GSE1: variants seen among roughly 807,000 people sequenced by gnomAD.
The protein encoded by GSE1 is Gse1 coiled-coil protein.
GSE1 carries 32 observed loss-of-function variants against 112.6 expected under a neutral mutation model. That is an observed-to-expected ratio of 0.28 (90% CI 0.21 to 0.38). The LOEUF (loss-of-function observed/expected upper bound fraction) is 0.38, where lower values mean the gene tolerates loss of function less well. GSE1 is among the 10% of genes least tolerant of loss of function. The pLI is 1.00. For missense variants in GSE1, 2,348 were observed against 1,699.2 expected (o/e 1.38, Z -6.71); for synonymous variants, 1,115 against 735.6 (o/e 1.52, Z -8.35).
intron 1 of GSE1, among the ~76,000 whole-genome samples, chr16:85,296,928 A>G (rs12933780): frequency 0.25 from 38,622 of 152,050 alleles, 5,597 homozygotes; most frequent in South Asian, 0.45. Flanking sequence ...CGGCACGCCC[A>G]GGCTGCTCCC....
At chr16:85,519,837 A>G (rs1256733794) in intron 2 of GSE1, among the ~76,000 whole-genome samples, 2 of 152,232 alleles carry the variant, frequency 1.3e-5, no homozygotes, top group Admixed American at 1.3e-4. Flanking sequence ...AAGGAGTCCA[A>G]GTGCTCCCCT....
intron 1 of GSE1, among the ~76,000 whole-genome samples, chr16:85,274,441 T>C (rs1909156722): frequency 6.6e-6 from 1 of 150,376 alleles, no homozygotes; most frequent in Non-Finnish European, 1.5e-5. Flanking sequence ...AGTGTATTGA[T>C]GTATTTATCG....
upstream of GSE1, among the ~76,000 whole-genome samples, chr16:85,611,934 G>A (rs1202077178): frequency 1.3e-5 from 2 of 152,032 alleles, no homozygotes; most frequent in African/African-American, 4.8e-5. Context: ...GCCTGGCGCG[G>A]GCATGTCCCG....
chr16:85,319,543 T>C (rs572908317), intron 1 of GSE1, among the ~76,000 whole-genome samples: 2 of 152,276 alleles, frequency 1.3e-5, no homozygotes, highest in South Asian at 2.1e-4. Flanking sequence ...GCTGAGCCCA[T>C]TGGAGCTTTT....
chr16:85,254,422 G>T (rs1055437054), intron 1 of GSE1, among the ~76,000 whole-genome samples: 1 of 152,134 alleles, frequency 6.6e-6, no homozygotes, highest in African/African-American at 2.4e-5. Context: ...ACAGCGCCTC[G>T]CACACAGCAG....
Position 85,639,517 on chromosome 16 carries a change from C to T in GSE1, c.226+5385C>T, listed in dbSNP as rs192067494. On this transcript the variant is annotated intron_variant, in intron 2 of 15. Coordinates refer to ENST00000253458, the MANE Select transcript of GSE1 (RefSeq NM_014615.5). Reference sequence around the variant, plus strand: ...TGGGCGCCAGGCCTAGCCTGCCTTGCGGGTGTGTCGGGATCCCCCCATCAT... The same window carrying T: ...TGGGCGCCAGGCCTAGCCTGCCTTGTGGGTGTGTCGGGATCCCCCCATCAT... Among the ~76,000 whole-genome samples the T allele has an allele frequency of 3.2e-4, 49 of 152,368 alleles. 1 individual carries two copies. The highest frequency in any genetic ancestry group is 9.6e-4 in the African/African-American group (40 of 41,588).
intron 2 of GSE1, among the ~76,000 whole-genome samples, chr16:85,467,905 T>C (rs2050170486): frequency 6.6e-6 from 1 of 152,230 alleles, no homozygotes; most frequent in African/African-American, 2.4e-5. Flanking sequence ...TTAGCACATC[T>C]CTGAGCTGGG....
intron 1 of GSE1, among the ~76,000 whole-genome samples, chr16:85,348,757 C>G (rs375134616): frequency 1.3e-5 from 2 of 152,246 alleles, no homozygotes; most frequent in African/African-American, 4.8e-5. Flanking sequence ...GTCCAGGAGA[C>G]TCGGGCAGCT....
chr16:85,330,624 C>A (rs1239102809), intron 1 of GSE1, among the ~76,000 whole-genome samples: 2 of 152,194 alleles, frequency 1.3e-5, no homozygotes, highest in African/African-American at 2.4e-5. Flanking sequence ...ATCCAGGAAG[C>A]GTGCAGGTGG....
intron 11 of GSE1, 24 bp from the exon 12 acceptor site, chr16:85,664,991 A>T: frequency 7.1e-7 from 1 of 1,418,310 alleles, no homozygotes; most frequent in Non-Finnish European, 1.0e-6. Flanking sequence ...CTGGCTCGTT[A>T]ATCTCAGGCT....
chr16:85,356,019 T>A (rs2046944529), intron 1 of GSE1, among the ~76,000 whole-genome samples: 1 of 152,082 alleles, frequency 6.6e-6, no homozygotes, highest in Non-Finnish European at 1.5e-5. Context: ...AGAGTGAGAC[T>A]CCATCTCAAA....
Position 85,535,173 on chromosome 16 carries a change from G to C in GSE1, c.2465-98741G>C, listed in dbSNP as rs995597265. On this transcript the variant is annotated intron_variant, in intron 2 of 2. Coordinates refer to the GSE1 transcript ENST00000637419. ...GTGGGGCAGGGTCACACCAGCCTGG[G>C]GGAGGCATGAGGAAGGCTTGCCCTG... Among the ~76,000 whole-genome samples, 9 of 152,366 alleles carry C rather than the reference G, an allele frequency of 5.9e-5. 1 individual carries two copies. The highest frequency in any genetic ancestry group is 1.3e-4 in the Admixed American group (2 of 15,306).
intron 2 of GSE1, among the ~76,000 whole-genome samples, chr16:85,486,039 G>A (rs557401052): frequency 1.4e-4 from 22 of 152,286 alleles, no homozygotes; most frequent in South Asian, 2.1e-4. Flanking sequence ...AGATGGGGAC[G>A]TAACGGCAGC....
At position 85,634,075 on chromosome 16, in the gene GSE1, T is replaced by G; in HGVS notation, c.169T>G (p.Ser57Ala). 1 of 1,603,160 alleles carries G rather than the reference T, an allele frequency of 6.2e-7. No homozygotes were observed. Among genetic ancestry groups the G allele is most frequent in the Non-Finnish European group, 8.5e-7 (1 of 1,175,674 alleles). ...SSALSAQAAP[S>A]SSFAAALRKL... ...CGCGCTGTCGGCCCAGGCCGCGCCA[T>G]CCTCCAGCTTTGCCGCCGCGCTGCG... The change falls in exon 2 of 16, where the codon TCC (serine) becomes GCC (alanine). Residue 57 changes from serine to alanine, a missense_variant. Coordinates refer to ENST00000253458, the MANE Select transcript of GSE1 (RefSeq NM_014615.5).
chr16:85,635,118 C>A (rs747229094), intron 2 of GSE1, among the ~76,000 whole-genome samples: 1 of 152,192 alleles, frequency 6.6e-6, no homozygotes, highest in South Asian at 2.1e-4. Flanking sequence ...AGAGGGGACA[C>A]CTGCCCTGAC....
intron 1 of GSE1, among the ~76,000 whole-genome samples, chr16:85,313,134 G>A (rs374634827): frequency 5.9e-5 from 9 of 152,186 alleles, no homozygotes; most frequent in African/African-American, 1.9e-4. Flanking sequence ...CCAGGGAACC[G>A]TCTCAGAAAG....
At chr16:85,218,175 T>C (rs949757789) in intron 1 of GSE1, among the ~76,000 whole-genome samples, 2 of 152,134 alleles carry the variant, frequency 1.3e-5, no homozygotes, top group African/African-American at 4.8e-5. Context: ...GTGCTGGGAT[T>C]ACAGACATGA....
intron 2 of GSE1, among the ~76,000 whole-genome samples, chr16:85,438,025 G>T (rs143105300): frequency 6.6e-6 from 1 of 151,610 alleles, no homozygotes; most frequent in Non-Finnish European, 1.5e-5. Flanking sequence ...AGCTAGTTCC[G>T]TGTCCGAAGC....
At chr16:85,457,001 C>G (rs1188250946) in intron 2 of GSE1, among the ~76,000 whole-genome samples, 1 of 152,226 alleles carries the variant, frequency 6.6e-6, no homozygotes. Flanking sequence ...CTTCCGCAGC[C>G]TCCTTTCTGG....
Sources: gnomAD v4.1 joint callset for allele counts (sites outside exome capture counted in the v4.1 genomes callset) on GRCh38, gnomAD v4.1.1 for gene constraint, MANE v1.5 for transcripts, NCBI Gene and HGNC (gene_info 2026-07-23, HGNC 2026-07-21) for gene names.